Variants in RNF180 observed in about 807,000 individuals in gnomAD.
RNF180 encodes E3 ubiquitin-protein ligase RNF180.
RNF180 carries 38 observed loss-of-function variants against 59.2 expected under a neutral mutation model. The observed-to-expected ratio is 0.64, with a 90% CI of 0.50 to 0.84. RNF180 has a LOEUF of 0.84. Among genes scored for constraint, RNF180 ranks in the 40% least tolerant of loss-of-function variants. The pLI is 0.00. For missense variants in RNF180, 705 were observed against 700.9 expected, an observed-to-expected ratio of 1.01 and a Z score of -0.07; for synonymous variants, 262 against 240.3, an observed-to-expected ratio of 1.09 and a Z score of -0.84.
chr5:64,286,472 A>G (rs903139644), intron 5 of RNF180, among the ~76,000 whole-genome samples: 1 of 152,238 alleles, frequency 6.6e-6, no homozygotes, highest in Non-Finnish European at 1.5e-5. Flanking sequence ...GGGTATAATC[A>G]TCAAATAATA....
At chr5:64,262,577 A>G (rs1419139069) in intron 5 of RNF180, among the ~76,000 whole-genome samples, 1 of 152,190 alleles carries the variant, frequency 6.6e-6, no homozygotes, top group Admixed American at 6.6e-5. Context: ...AAATAATGAA[A>G]AAATCCTCAG....
intron 5 of RNF180, among the ~76,000 whole-genome samples, chr5:64,240,419 A>C (rs6859762): frequency 6.6e-6 from 1 of 152,202 alleles, no homozygotes; most frequent in Non-Finnish European, 1.5e-5. Context: ...TTTATAATAG[A>C]GTCTATGAAA....
At chr5:64,238,731 T>C (rs1301148060) in intron 5 of RNF180, among the ~76,000 whole-genome samples, 2 of 152,222 alleles carry the variant, frequency 1.3e-5, no homozygotes, top group South Asian at 4.1e-4. Context: ...CTTTGGAGAT[T>C]AACCCCTTAT....
intron 5 of RNF180, among the ~76,000 whole-genome samples, chr5:64,245,269 T>C (rs959606276): frequency 6.6e-6 from 1 of 152,152 alleles, no homozygotes; most frequent in African/African-American, 2.4e-5. Context: ...CACATAACAA[T>C]ATTAACCTTA....
intron 1 of RNF180, among the ~76,000 whole-genome samples, chr5:64,189,882 T>A (rs925572138): frequency 3.9e-5 from 6 of 152,302 alleles, no homozygotes; most frequent in Non-Finnish European, 7.4e-5. Context: ...GCTTTCAGAC[T>A]TCTGGGATTC....
chr5:64,174,959 C>CTTTT (rs370660214), intron 1 of RNF180, among the ~76,000 whole-genome samples: 24 of 84,752 alleles, frequency 2.8e-4, no homozygotes, highest in African/African-American at 7.4e-4. Flanking sequence ...TAATCCAGTT[C>CTTTT]TTTTTTTTTT....
At chr5:64,229,503 A>T (rs1741985995) in intron 5 of RNF180, among the ~76,000 whole-genome samples, 1 of 152,218 alleles carries the variant, frequency 6.6e-6, no homozygotes, top group Non-Finnish European at 1.5e-5. Context: ...GTGCTTTATG[A>T]TAAAGGGTTT....
At chr5:64,199,475 G>T (rs1289024007) in intron 1 of RNF180, among the ~76,000 whole-genome samples, 2 of 151,986 alleles carry the variant, frequency 1.3e-5, no homozygotes, top group African/African-American at 2.4e-5. Flanking sequence ...TCTAGGAGTG[G>T]GTCCTAGGCA....
chr5:64,353,710 G>T (rs796466890), intron 7 of RNF180, among the ~76,000 whole-genome samples: 71 of 151,812 alleles, frequency 4.7e-4, no homozygotes, highest in African/African-American at 1.7e-3. Context: ...AAGTTAAAAA[G>T]ACATCGTAGT....
chr5:64,311,458 G>A (rs959257290), intron 5 of RNF180, among the ~76,000 whole-genome samples: 2 of 151,864 alleles, frequency 1.3e-5, no homozygotes, highest in African/African-American at 4.8e-5. Flanking sequence ...AAAAATAGAT[G>A]GAGATGTACA....
intron 5 of RNF180, among the ~76,000 whole-genome samples, chr5:64,304,713 A>C (rs1436090862): frequency 2.6e-5 from 4 of 151,716 alleles, no homozygotes; most frequent in African/African-American, 4.8e-5. Flanking sequence ...AGATGCTGTG[A>C]ACATGGTTGA....
intron 7 of RNF180, among the ~76,000 whole-genome samples, chr5:64,335,408 T>C (rs946393925): frequency 2.0e-5 from 3 of 152,108 alleles, no homozygotes; most frequent in Non-Finnish European, 4.4e-5. Context: ...TATTTTCTTA[T>C]GTATTTTTCA....
chr5:64,204,903 G>A (rs1751937915), intron 2 of RNF180, among the ~76,000 whole-genome samples: 1 of 152,100 alleles, frequency 6.6e-6, no homozygotes, highest in Non-Finnish European at 1.5e-5. Flanking sequence ...GCCCTGGGCT[G>A]TATCTCCTGT....
At chr5:64,185,182 ATAACT>A (rs1159313225) in intron 1 of RNF180, among the ~76,000 whole-genome samples, 3 of 152,194 alleles carry the variant, frequency 2.0e-5, no homozygotes, top group South Asian at 2.1e-4. Context: ...GAATTTGATG[ATAACT>A]TAACACCTTC....
intron 5 of RNF180, among the ~76,000 whole-genome samples, chr5:64,223,149 T>G (rs1741455853): frequency 6.6e-6 from 1 of 152,152 alleles, no homozygotes; most frequent in African/African-American, 2.4e-5. Context: ...ATAGAATCTG[T>G]TCCTTTCTTT....
intron 5 of RNF180, among the ~76,000 whole-genome samples, chr5:64,244,920 G>C (rs945448204): frequency 7.1e-6 from 1 of 140,666 alleles, no homozygotes. Flanking sequence ...CCAGAAGAGA[G>C]TGAGGGCAAA....
intron 5 of RNF180, among the ~76,000 whole-genome samples, chr5:64,252,687 A>G (rs759889200): frequency 2.0e-5 from 3 of 152,144 alleles, no homozygotes; most frequent in Non-Finnish European, 4.4e-5. Flanking sequence ...AGTGGTCCTG[A>G]GCATGGAAAA....
intron 7 of RNF180, among the ~76,000 whole-genome samples, chr5:64,362,222 C>T (rs962391879): frequency 1.3e-5 from 2 of 151,292 alleles, no homozygotes; most frequent in Admixed American, 6.6e-5. Context: ...TATTTTTCTG[C>T]TCCTCTCCCT....
intron 7 of RNF180, among the ~76,000 whole-genome samples, chr5:64,356,084 T>C (rs1459005921): frequency 6.6e-6 from 1 of 151,542 alleles, no homozygotes; most frequent in African/African-American, 2.4e-5. Flanking sequence ...AACAAGACCC[T>C]GTCTCTAAAA....
Sources: allele counts gnomAD v4.1 joint callset (sites outside exome capture counted in the v4.1 genomes callset), GRCh38; gene constraint gnomAD v4.1.1; transcripts MANE v1.5; gene names NCBI Gene and HGNC (gene_info 2026-07-23, HGNC 2026-07-21).